The following FRMD4A variants were observed in gnomAD, a reference collection of about 807,000 sequenced individuals.
The protein encoded by FRMD4A is FERM domain containing 4A.
In FRMD4A, 29 loss-of-function variants were observed where a neutral mutation model predicts 129.1. The observed-to-expected ratio is 0.22, with a 90% CI of 0.17 to 0.31. FRMD4A has a LOEUF of 0.31. Among genes scored for constraint, FRMD4A ranks in the 10% least tolerant of loss-of-function variants. The pLI is 1.00. For missense variants in FRMD4A, 1,272 were observed against 1,375.8 expected (o/e 0.92, Z 1.19); for synonymous variants, 634 against 571.6 (o/e 1.11, Z -1.56).
intron 3 of FRMD4A, among the ~76,000 whole-genome samples, chr10:13,827,955 A>G (rs919173718): frequency 6.6e-6 from 1 of 152,142 alleles, no homozygotes; most frequent in Non-Finnish European, 1.5e-5. Flanking sequence ...CTACTGCCCA[A>G]ATACCATTTA....
chr10:14,199,754 TTTAATC>T (rs147888640), intron 2 of FRMD4A, among the ~76,000 whole-genome samples: 3,607 of 151,466 alleles, frequency 0.024, 159 homozygotes, highest in East Asian at 0.1. Flanking sequence ...CATATTTAGT[TTTAATC>T]TTAATCTTTC....
Position 13,747,889 on chromosome 10 carries a change from G to A in FRMD4A, c.465-70C>T. The stretch of plus-strand genomic sequence containing the variant: ...TAATCGCACTCTCTGATACCACTTG[G>A]GCCGCTGTCTTGTCTGAGAGACCCC... On this transcript the variant is annotated intron_variant, in intron 8 of 24. Coordinates refer to ENST00000357447, the MANE Select transcript of FRMD4A (RefSeq NM_018027.5). 4.6e-6 allele frequency: 4 copies of A among 868,230 alleles called. No homozygotes were observed. The South Asian group carries it at 5.4e-5, about 12-fold the overall frequency. The allele number at this position is 868,230 out of a possible 1,614,324, so 53.8% of individuals were successfully genotyped here. A position where few individuals can be genotyped will look rare whatever the true frequency, so the allele number is the denominator to read the frequency against.
At chr10:14,279,566 CT>C (rs1845452057) in intron 2 of FRMD4A, among the ~76,000 whole-genome samples, 2 of 152,118 alleles carry the variant, frequency 1.3e-5, no homozygotes, top group African/African-American at 4.8e-5. Context: ...ACAATTTTCT[CT>C]CTTTATACTT....
chr10:13,982,105 C>G (rs183951808), intron 2 of FRMD4A, among the ~76,000 whole-genome samples: 4 of 152,264 alleles, frequency 2.6e-5, no homozygotes, highest in Non-Finnish European at 4.4e-5. Flanking sequence ...AAACCAGAAC[C>G]CTTTTTTCCC....
At position 13,925,332 on chromosome 10, in the gene FRMD4A, C is replaced by G. The variant is rs111898755; in HGVS notation, c.46-66420G>C. On this transcript the variant is annotated intron_variant, in intron 2 of 24. Transcript: ENST00000357447. ...AAAGAATTCCCTCTAATCACCACTTCTATTATCAATCAAAAGTATTTGTAT... is the reference window on the plus strand; with the variant it reads ...AAAGAATTCCCTCTAATCACCACTTGTATTATCAATCAAAAGTATTTGTAT... 3.0e-3 allele frequency among the ~76,000 whole-genome samples: 464 copies of G among 152,176 alleles called. 5 individuals carry two copies. The highest frequency in any genetic ancestry group is 0.011 in the African/African-American group (449 of 41,528).
chr10:14,126,152 T>C (rs1564316862), intron 2 of FRMD4A, among the ~76,000 whole-genome samples: 1 of 147,886 alleles, frequency 6.8e-6, no homozygotes, highest in Non-Finnish European at 1.5e-5. Context: ...TCCTCACCCA[T>C]CACAAAACCT....
In FRMD4A at chr10:13,651,914, A is replaced by C. The variant is rs2081635964; in HGVS notation, c.3111T>G (p.Thr1037=). ...TCCCCTTACGGTACCTCTATTCATC[A>C]GTACTTTGGTGAGGTGGAGACTCAG... is the stretch of plus-strand genomic sequence containing the variant. ...DGSESPPHQS[T]DE is the part of the protein sequence containing the mutation. The change falls in exon 24 of 25, where the codon ACT becomes ACG. Residue 1037 remains threonine, a synonymous_variant. Transcript: ENST00000357447. The C allele has an allele frequency of 6.4e-7, 1 of 1,558,468 alleles. No homozygotes were observed. The highest frequency in any genetic ancestry group is 8.9e-7 in the Non-Finnish European group (1 of 1,129,066).
At chr10:13,937,007 C>A (rs115051257) in intron 2 of FRMD4A, among the ~76,000 whole-genome samples, 113 of 152,344 alleles carry the variant, frequency 7.4e-4, no homozygotes, top group African/African-American at 2.5e-3. Context: ...ACAAGGCAGG[C>A]ATGCATTGCC....
intron 2 of FRMD4A, chr10:13,991,733 C>G (rs2095604233): frequency 6.6e-6 from 1 of 152,616 alleles, no homozygotes; most frequent in African/African-American, 2.4e-5. Context: ...GGCTACGTTT[C>G]CATTGTGTTG....
At chr10:14,241,172 A>G (rs1376689841) in intron 2 of FRMD4A, among the ~76,000 whole-genome samples, 1 of 152,240 alleles carries the variant, frequency 6.6e-6, no homozygotes, top group African/African-American at 2.4e-5. Context: ...AAAATAGCCT[A>G]TGTTAAAACT....
At chr10:14,007,992 A>G (rs912505581) in intron 2 of FRMD4A, 1 of 1,281,868 alleles carries the variant, frequency 7.8e-7, no homozygotes, top group Non-Finnish European at 1.0e-6. Context: ...AACGCGGTAT[A>G]CAATGAAAAC....
chr10:13,697,953 A>C (rs1347338634), intron 14 of FRMD4A, among the ~76,000 whole-genome samples: 1 of 152,180 alleles, frequency 6.6e-6, no homozygotes, highest in African/African-American at 2.4e-5. Flanking sequence ...TCAGCATAGA[A>C]GTTACCAATT....
At chr10:14,076,400 G>C (rs1010077662) in intron 2 of FRMD4A, among the ~76,000 whole-genome samples, 28 of 152,086 alleles carry the variant, frequency 1.8e-4, no homozygotes, top group South Asian at 2.1e-4. Context: ...CAGCACTTTG[G>C]GGGGCCGAGG....
chr10:14,034,526 A>C (rs1833407086), intron 2 of FRMD4A, among the ~76,000 whole-genome samples: 1 of 152,134 alleles, frequency 6.6e-6, no homozygotes, highest in Non-Finnish European at 1.5e-5. Context: ...CCCTGAGAAA[A>C]ATGAAGCTTC....
intron 2 of FRMD4A, among the ~76,000 whole-genome samples, chr10:13,888,816 G>C (rs2094658251): frequency 6.6e-6 from 1 of 152,152 alleles, no homozygotes; most frequent in Non-Finnish European, 1.5e-5. Flanking sequence ...AACTTCAAAA[G>C]CTGGTTAACT....
intron 2 of FRMD4A, among the ~76,000 whole-genome samples, chr10:14,131,396 G>GCCAC (rs1554767024): frequency 6.7e-6 from 1 of 148,930 alleles, no homozygotes; most frequent in Non-Finnish European, 1.5e-5. Flanking sequence ...AACTCACTGT[G>GCCAC]CCCCCCCCGG....
chr10:14,094,360 C>A (rs993508883), intron 2 of FRMD4A, among the ~76,000 whole-genome samples: 2 of 152,182 alleles, frequency 1.3e-5, no homozygotes, highest in African/African-American at 4.8e-5. Flanking sequence ...AACGAGACCC[C>A]CTGGGGGACG....
At chr10:13,690,408 G>A (rs1183732830) in intron 15 of FRMD4A, among the ~76,000 whole-genome samples, 1 of 152,228 alleles carries the variant, frequency 6.6e-6, no homozygotes, top group African/African-American at 2.4e-5. Flanking sequence ...GCAGCCGTCA[G>A]CCATCCCAGC....
chr10:13,873,177 A>C (rs146527618), intron 2 of FRMD4A, among the ~76,000 whole-genome samples: 1 of 4,754 alleles, frequency 2.1e-4, no homozygotes, highest in South Asian at 0.013. Flanking sequence ...ACACTGTCTC[A>C]AAAAAAATAA....
Sources: allele counts gnomAD v4.1 joint callset (sites outside exome capture counted in the v4.1 genomes callset), GRCh38; gene constraint gnomAD v4.1.1; transcripts MANE v1.5; gene names NCBI Gene and HGNC (gene_info 2026-07-23, HGNC 2026-07-21).